The following IQCM variants were observed in gnomAD, a reference collection of about 807,000 sequenced individuals.
IQCM encodes the protein IQ domain-containing protein M.
IQCM carries 45 observed loss-of-function variants against 57.6 expected under a neutral mutation model. That is an observed-to-expected ratio of 0.78 (90% CI 0.62 to 1.00). The LOEUF is 1.00. Ranked by LOEUF, IQCM falls within the 50% of genes least tolerant of loss-of-function variation. The pLI, the probability that IQCM is intolerant of heterozygous loss-of-function variation, is 0.00. For synonymous variants in IQCM, 148 were observed against 158.9 expected, an observed-to-expected ratio of 0.93 and a Z score of 0.51; for missense variants, 468 against 511.6, an observed-to-expected ratio of 0.91 and a Z score of 0.82.
At chr4:149,566,319 G>C (rs369165721) in intron 9 of IQCM, among the ~76,000 whole-genome samples, 21 of 152,270 alleles carry the variant, frequency 1.4e-4, no homozygotes, top group Middle Eastern at 6.8e-3. Flanking sequence ...AAAAAGTGAG[G>C]GAAGGTTTCA....
At chr4:149,590,534 G>T (rs1048019010) in intron 8 of IQCM, among the ~76,000 whole-genome samples, 3 of 151,632 alleles carry the variant, frequency 2.0e-5, no homozygotes, top group African/African-American at 7.3e-5. Context: ...CACATGCCAC[G>T]GTGGTTTGCT....
chr4:149,624,906 G>C (rs542014163), intron 7 of IQCM, among the ~76,000 whole-genome samples: 1 of 152,124 alleles, frequency 6.6e-6, no homozygotes, highest in South Asian at 2.1e-4. Context: ...TAGTGGTCCC[G>C]TGTCCCTAGA....
At chr4:149,620,588 C>A (rs1264436813) in intron 8 of IQCM, among the ~76,000 whole-genome samples, 2 of 152,212 alleles carry the variant, frequency 1.3e-5, no homozygotes, top group African/African-American at 4.8e-5. Flanking sequence ...GTTTCTTCTA[C>A]TATTCACATG....
chr4:149,812,916 T>C (rs1027615724), intron 2 of IQCM, among the ~76,000 whole-genome samples: 1 of 152,150 alleles, frequency 6.6e-6, no homozygotes, highest in African/African-American at 2.4e-5. Flanking sequence ...TGTAATAGTT[T>C]TAAAAATCAA....
At chr4:149,717,776 AT>A (rs1363108829) in intron 5 of IQCM, among the ~76,000 whole-genome samples, 1 of 152,264 alleles carries the variant, frequency 6.6e-6, no homozygotes, top group Non-Finnish European at 1.5e-5. Context: ...AAAGTATTTC[AT>A]GGCATAGACT....
At chr4:149,383,878 A>G (rs1486238054) in intron 13 of IQCM, among the ~76,000 whole-genome samples, 1 of 152,018 alleles carries the variant, frequency 6.6e-6, no homozygotes, top group Non-Finnish European at 1.5e-5. Context: ...ACTTGAACCC[A>G]GGAGGTGGAG....
intron 7 of IQCM, among the ~76,000 whole-genome samples, chr4:149,673,633 G>A (rs1761503772): frequency 6.6e-6 from 1 of 152,024 alleles, no homozygotes; most frequent in African/African-American, 2.4e-5. Context: ...CAAGTCCTTA[G>A]AGACCTACAA....
chr4:149,359,258 G>A (rs760106608), intron 13 of IQCM, among the ~76,000 whole-genome samples: 1 of 152,102 alleles, frequency 6.6e-6, no homozygotes, highest in Non-Finnish European at 1.5e-5. Context: ...TTAACCCATA[G>A]TGTGTTACAA....
At chr4:149,662,951 G>A (rs1038584097) in intron 7 of IQCM, among the ~76,000 whole-genome samples, 3 of 151,666 alleles carry the variant, frequency 2.0e-5, no homozygotes, top group African/African-American at 7.3e-5. Flanking sequence ...TTTGTTCCTT[G>A]TTTTCTGATT....
intron 12 of IQCM, among the ~76,000 whole-genome samples, chr4:149,440,383 C>T (rs187304145): frequency 5.9e-5 from 9 of 152,044 alleles, no homozygotes; most frequent in African/African-American, 1.9e-4. Flanking sequence ...CAGAGGGCAA[C>T]TCTATGAATT....
chr4:149,689,342 A>T (rs1580004049), intron 5 of IQCM, among the ~76,000 whole-genome samples: 1 of 152,052 alleles, frequency 6.6e-6, no homozygotes, highest in African/African-American at 2.4e-5. Flanking sequence ...TCTCACTCAT[A>T]AGTGGGAGTT....
Position 149,511,969 on chromosome 4 carries a change from G to A in IQCM, c.1228+36486C>T, listed in dbSNP as rs372919685. On this transcript the variant is annotated intron_variant, in intron 12 of 13. Transcript: ENST00000636793. ...AATATTTATTGTATACCTCCTTTGC[G>A]CCAGATACATCCTAAGTCCTAGGTG... Among the ~76,000 whole-genome samples, 21 of 151,924 alleles carry A rather than the reference G, an allele frequency of 1.4e-4. No individual in the cohort carries two copies. The South Asian group carries it at 2.1e-3, about 15-fold the overall frequency.
At chr4:149,540,294 G>GATCT (rs1409661129) in intron 12 of IQCM, among the ~76,000 whole-genome samples, 1 of 149,294 alleles carries the variant, frequency 6.7e-6, no homozygotes, top group Non-Finnish European at 1.5e-5. Context: ...ACACTAAAGT[G>GATCT]ATCTAGTATG....
rs1296198114 is a variant in IQCM at position 149,794,143 on chromosome 4, G to C, written c.-49+21168C>G. On this transcript the variant is annotated intron_variant, in intron 2 of 13. Transcript: ENST00000636793. ...TCTGTTGTGCCCAGGAAAGAACCCA[G>C]AAAGGATTTAACCACACAGGCTAGA... Among the ~76,000 whole-genome samples, 33 of 152,336 alleles carry C rather than the reference G, an allele frequency of 2.2e-4. 1 individual carries two copies. Among genetic ancestry groups the C allele is most frequent in the Admixed American group, 2.2e-3 (33 of 15,298 alleles).
At position 149,583,271 on chromosome 4, in the gene IQCM, C is replaced by CA. The variant is rs1752373319; in HGVS notation, c.749+4658dup. ...TAAGGAAAACTCAAAAGTTCCAAAA[C>CA]AGTACACTTACTTCATAGATGGTAA... On this transcript the variant is annotated intron_variant, in intron 9 of 13. Transcript: ENST00000636793. Among the ~76,000 whole-genome samples, 3 of 151,462 alleles carry CA rather than the reference C, an allele frequency of 2.0e-5. No homozygotes were observed. The South Asian group carries it at 6.2e-4, about 31-fold the overall frequency.
intron 2 of IQCM, among the ~76,000 whole-genome samples, chr4:149,744,885 A>C (rs1254945656): frequency 6.6e-6 from 1 of 152,228 alleles, no homozygotes; most frequent in Admixed American, 6.5e-5. Flanking sequence ...ACAACATGCA[A>C]AAAGTATGCC....
chr4:149,520,604 A>G (rs1397259377), intron 12 of IQCM, among the ~76,000 whole-genome samples: 1 of 152,136 alleles, frequency 6.6e-6, no homozygotes, highest in Non-Finnish European at 1.5e-5. Context: ...GTACCATCTC[A>G]AGGGGCTAGT....
intron 5 of IQCM, among the ~76,000 whole-genome samples, chr4:149,709,611 G>A (rs1764410684): frequency 6.6e-6 from 1 of 152,028 alleles, no homozygotes; most frequent in Non-Finnish European, 1.5e-5. Flanking sequence ...TAAATAATTT[G>A]GCCAAGATAT....
intron 12 of IQCM, among the ~76,000 whole-genome samples, chr4:149,488,399 C>G (rs1741747488): frequency 1.3e-5 from 2 of 152,278 alleles, no homozygotes; most frequent in African/African-American, 4.8e-5. Context: ...AAATACTGTT[C>G]ACTTTCCAAA....
Sources: gnomAD v4.1 joint callset for allele counts (sites outside exome capture counted in the v4.1 genomes callset) on GRCh38, gnomAD v4.1.1 for gene constraint, MANE v1.5 for transcripts, NCBI Gene and HGNC (gene_info 2026-07-23, HGNC 2026-07-21) for gene names.